The following ANKIB1 variants were observed in gnomAD, a reference collection of about 807,000 sequenced individuals.
ANKIB1 encodes the protein ankyrin repeat and IBR domain-containing protein 1.
ANKIB1 carries 43 observed loss-of-function variants against 122.1 expected under a neutral mutation model. The observed-to-expected ratio is 0.35, with a 90% CI of 0.28 to 0.45. ANKIB1 has a LOEUF of 0.45. ANKIB1 is among the 20% of genes least tolerant of loss of function. The pLI is 1.00. For synonymous variants in ANKIB1, 390 were observed against 442.0 expected (o/e 0.88, Z 1.48); for missense variants, 992 against 1,329.5 (o/e 0.75, Z 3.95).
chr7:92,386,568 T>G lies in ANKIB1; in HGVS notation c.1677T>G (p.Thr559=), dbSNP rs367688061. 2.5e-5 allele frequency: 40 copies of G among 1,606,440 alleles called. No individual in the cohort carries two copies. Among genetic ancestry groups the G allele is most frequent in the Non-Finnish European group, 3.4e-5 (40 of 1,176,536 alleles). ...AGTGGAAAAAACATAGTTCGTCCACTGGAGGTTATTACAGATGTACTCGCT... is the reference window on the plus strand; with the variant it reads ...AGTGGAAAAAACATAGTTCGTCCACGGGAGGTTATTACAGATGTACTCGCT... ...LEEWKKHSSS[T]GGYYRCTRYE... The change falls in exon 12 of 20, where the codon ACT becomes ACG. Residue 559 remains threonine, a synonymous_variant. Coordinates refer to ENST00000265742, the MANE Select transcript of ANKIB1 (RefSeq NM_019004.2).
chr7:92,364,691 A>T (rs977969773), intron 10 of ANKIB1, among the ~76,000 whole-genome samples: 5 of 152,226 alleles, frequency 3.3e-5, no homozygotes, highest in African/African-American at 1.2e-4. Context: ...TGTGAGTGTT[A>T]TTGCCAAATT....
chr7:92,247,707 C>T (rs1401096365), intron 1 of ANKIB1, among the ~76,000 whole-genome samples: 1 of 152,132 alleles, frequency 6.6e-6, no homozygotes, highest in South Asian at 2.1e-4. Flanking sequence ...TGACTTTATG[C>T]ATTTGCTACT....
chr7:92,342,920 T>C, intron 5 of ANKIB1, 104 bp from the exon 6 acceptor site: 1 of 1,027,442 alleles, frequency 9.7e-7, no homozygotes, highest in Non-Finnish European at 1.5e-6. Context: ...CTTTTTTCTT[T>C]AGATGACCAA....
intron 3 of ANKIB1, among the ~76,000 whole-genome samples, chr7:92,315,210 G>A (rs1034981191): frequency 6.6e-6 from 1 of 152,162 alleles, no homozygotes; most frequent in Non-Finnish European, 1.5e-5. Flanking sequence ...ACAATTAACA[G>A]ACATTAGAAA....
intron 1 of ANKIB1, among the ~76,000 whole-genome samples, chr7:92,277,021 G>A (rs541522192): frequency 2.6e-5 from 4 of 152,282 alleles, no homozygotes; most frequent in African/African-American, 9.6e-5. Flanking sequence ...TTGTGTAAAA[G>A]TGTGTAGCAC....
At chr7:92,328,969 A>C (rs1803094734) in intron 5 of ANKIB1, among the ~76,000 whole-genome samples, 1 of 143,874 alleles carries the variant, frequency 7.0e-6, no homozygotes, top group African/African-American at 2.6e-5. Flanking sequence ...ACACAAACAC[A>C]CTTTTTTTTT....
At chr7:92,346,707 C>T (rs142476260) in intron 7 of ANKIB1, among the ~76,000 whole-genome samples, 1 of 152,272 alleles carries the variant, frequency 6.6e-6, no homozygotes, top group African/African-American at 2.4e-5. Flanking sequence ...TTAGGAAGTA[C>T]TACCTGAGCT....
chr7:92,251,864 T>G (rs1801336964), intron 1 of ANKIB1, among the ~76,000 whole-genome samples: 1 of 152,142 alleles, frequency 6.6e-6, no homozygotes, highest in African/African-American at 2.4e-5. Flanking sequence ...GCCAACAATA[T>G]CTCTTTATCT....
chr7:92,373,024 C>G (rs1804309072), intron 11 of ANKIB1, among the ~76,000 whole-genome samples: 1 of 151,932 alleles, frequency 6.6e-6, no homozygotes, highest in South Asian at 2.1e-4. Context: ...AAAAGAATGG[C>G]AGTTACAAAA....
chr7:92,391,098 A>T (rs534397311), intron 15 of ANKIB1, 68 bp from the exon 16 acceptor site: 1 of 1,364,204 alleles, frequency 7.3e-7, no homozygotes, highest in South Asian at 1.9e-5. Flanking sequence ...GAAACCACAT[A>T]GACCCTGGAT....
intron 7 of ANKIB1, chr7:92,347,899 G>T: frequency 2.6e-6 from 1 of 378,268 alleles, no homozygotes. Flanking sequence ...ACAGGATCTT[G>T]CATATAGTAA....
Position 92,398,701 on chromosome 7 carries a change from T to A in ANKIB1, c.3022T>A (p.Ser1008Thr), listed in dbSNP as rs200370929. 3.2e-5 allele frequency: 51 copies of A among 1,613,586 alleles called. No individual in the cohort carries two copies. The highest frequency in any genetic ancestry group is 1.0e-5 in the Non-Finnish European group (12 of 1,179,780). ...DSQLPCIKDG[S>T]EGVKDVELVL... ...CCAGCTCCCCTGTATCAAAGATGGG[T>A]CAGAAGGTGTGAAGGATGTGGAACT... Residue 1008 changes from serine (S) to threonine (T), a missense_variant, in exon 20 of 20, where the codon TCA becomes ACA. By Grantham distance (58) the Ser-to-Thr change is moderately conservative (BLOSUM62 1). Around this residue, in one of 4 missense-constraint regions of ANKIB1, gnomAD observed 384 missense variants for 412.0 expected, o/e 0.93. Coordinates refer to ENST00000265742, the MANE Select transcript of ANKIB1 (RefSeq NM_019004.2).
chr7:92,355,848 C>CATCATAATA (rs1803793650), intron 9 of ANKIB1, among the ~76,000 whole-genome samples: 1 of 143,384 alleles, frequency 7.0e-6, no homozygotes, highest in East Asian at 2.1e-4. Flanking sequence ...GACTCCGTCT[C>CATCATAATA]ATAATAATAA....
chr7:92,317,716 G>A (rs893907926), intron 3 of ANKIB1, among the ~76,000 whole-genome samples: 2 of 152,106 alleles, frequency 1.3e-5, no homozygotes, highest in African/African-American at 4.8e-5. Flanking sequence ...CCGTTGTTTT[G>A]TAAGCATTCT....
At chr7:92,331,907 A>G (rs1057079074) in intron 5 of ANKIB1, among the ~76,000 whole-genome samples, 1 of 147,602 alleles carries the variant, frequency 6.8e-6, no homozygotes, top group African/African-American at 2.6e-5. Context: ...CTATAGTATC[A>G]TATAGAATCT....
chr7:92,304,879 T>A (rs1802527135), intron 2 of ANKIB1, among the ~76,000 whole-genome samples: 1 of 152,210 alleles, frequency 6.6e-6, no homozygotes, highest in Non-Finnish European at 1.5e-5. Flanking sequence ...ACCCATATTC[T>A]TGCCTCCCCT....
chr7:92,317,964 AT>A (rs1170563590), intron 3 of ANKIB1, among the ~76,000 whole-genome samples: 7 of 152,190 alleles, frequency 4.6e-5, no homozygotes, highest in Non-Finnish European at 8.8e-5. Context: ...GATTTATATG[AT>A]TAGTCTACCT....
chr7:92,386,341 G>A (rs1804649589), intron 11 of ANKIB1, among the ~76,000 whole-genome samples, 168 bp from the exon 12 acceptor site: 1 of 152,132 alleles, frequency 6.6e-6, no homozygotes, highest in South Asian at 2.1e-4. Flanking sequence ...CCATAATGCA[G>A]ATAAGGTCTC....
chr7:92,300,887 C>G (rs982747948), intron 2 of ANKIB1, among the ~76,000 whole-genome samples: 14 of 152,240 alleles, frequency 9.2e-5, no homozygotes, highest in African/African-American at 3.4e-4. Context: ...AACCACCATT[C>G]TAGCCTCTGT....
Sources: allele counts gnomAD v4.1 joint callset (sites outside exome capture counted in the v4.1 genomes callset), GRCh38; gene constraint gnomAD v4.1.1; regional missense constraint gnomAD v4.1.1; transcripts MANE v1.5; gene names NCBI Gene and HGNC (gene_info 2026-07-23, HGNC 2026-07-21).